OGDH: variants seen among roughly 807,000 people sequenced by gnomAD.
OGDH encodes the protein 2-oxoglutarate dehydrogenase complex component E1.
OGDH carries 38 observed loss-of-function variants against 116.6 expected under a neutral mutation model. The observed-to-expected ratio is 0.33, with a 90% CI of 0.25 to 0.43. The LOEUF is 0.43. OGDH is among the 20% of genes least tolerant of loss of function. The pLI, the probability that OGDH is intolerant of heterozygous loss-of-function variation, is 1.00. For synonymous variants in OGDH, 488 were observed against 533.3 expected, an observed-to-expected ratio of 0.92 and a Z score of 1.17; for missense variants, 825 against 1,357.2, an observed-to-expected ratio of 0.61 and a Z score of 6.16.
intron 2 of OGDH, among the ~76,000 whole-genome samples, chr7:44,640,027 TG>T (rs1785857787): frequency 6.6e-6 from 1 of 152,204 alleles, no homozygotes; most frequent in African/African-American, 2.4e-5. Flanking sequence ...GGAGGCCCGA[TG>T]ATCATGATCG....
At chr7:44,666,654 C>T in intron 4 of OGDH, 82 bp from the exon 5 acceptor site, 1 of 628,348 alleles carries the variant, frequency 1.6e-6, no homozygotes, top group South Asian at 3.4e-5. Context: ...GGAGTTCCTT[C>T]CCCTTTCCAT....
At chr7:44,615,940 A>C (rs1418092888) in intron 1 of OGDH, among the ~76,000 whole-genome samples, 1 of 151,804 alleles carries the variant, frequency 6.6e-6, no homozygotes, top group African/African-American at 2.4e-5. Flanking sequence ...GAGGTGGGAG[A>C]ATCACTTGAG....
intron 19 of OGDH, among the ~76,000 whole-genome samples, chr7:44,700,872 C>G (rs764172184): frequency 6.6e-6 from 1 of 152,104 alleles, no homozygotes; most frequent in South Asian, 2.1e-4. Flanking sequence ...AAAAATTAGC[C>G]GGGCATGACA....
At chr7:44,695,455 G>A (rs1320845785) in intron 12 of OGDH, among the ~76,000 whole-genome samples, 2 of 151,956 alleles carry the variant, frequency 1.3e-5, no homozygotes, top group Admixed American at 6.6e-5. Context: ...GCCTGTAATT[G>A]CAGCACTTTG....
At chr7:44,639,922 T>C (rs1022533216) in intron 2 of OGDH, among the ~76,000 whole-genome samples, 6 of 152,210 alleles carry the variant, frequency 3.9e-5, no homozygotes, top group Non-Finnish European at 8.8e-5. Flanking sequence ...TCTGACTGCC[T>C]CCAGCATGAG....
intron 12 of OGDH, among the ~76,000 whole-genome samples, chr7:44,695,078 G>T (rs779629647): frequency 6.2e-4 from 94 of 152,092 alleles, no homozygotes; most frequent in South Asian, 8.3e-4. Flanking sequence ...ACAGAGCTTT[G>T]TGAACCAGTT....
intron 2 of OGDH, among the ~76,000 whole-genome samples, chr7:44,636,365 A>G (rs1057218015): frequency 6.6e-6 from 1 of 152,226 alleles, no homozygotes; most frequent in Non-Finnish European, 1.5e-5. Flanking sequence ...AAGACTCCCA[A>G]CTGCTGACTC....
chr7:44,706,045 T>C (rs976450687), intron 20 of OGDH, among the ~76,000 whole-genome samples: 1 of 151,964 alleles, frequency 6.6e-6, no homozygotes, highest in Non-Finnish European at 1.5e-5. Context: ...CAGGCTAGAG[T>C]GATTCTCCCA....
At chr7:44,626,842 G>A (rs1785226582) in intron 2 of OGDH, among the ~76,000 whole-genome samples, 2 of 152,150 alleles carry the variant, frequency 1.3e-5, no homozygotes, top group Admixed American at 6.5e-5. Flanking sequence ...GAGGGGACAG[G>A]ATGGTTAAAA....
chr7:44,660,968 C>T (rs1364465469), intron 4 of OGDH, among the ~76,000 whole-genome samples: 1 of 140,452 alleles, frequency 7.1e-6, no homozygotes, highest in East Asian at 2.3e-4. Context: ...CTGTTAGATC[C>T]TGTTAGTTAA....
At chr7:44,634,421 TTAGTC>T (rs1240575183) in intron 2 of OGDH, among the ~76,000 whole-genome samples, 3 of 152,180 alleles carry the variant, frequency 2.0e-5, no homozygotes, top group South Asian at 2.1e-4. Flanking sequence ...GCAGCCACCT[TTAGTC>T]TAGTGCAGAA....
At chr7:44,646,567 GTTTC>G (rs571641214) in intron 3 of OGDH, among the ~76,000 whole-genome samples, 36 of 152,254 alleles carry the variant, frequency 2.4e-4, no homozygotes, top group Non-Finnish European at 3.7e-4. Context: ...GCCCAGTGGT[GTTTC>G]TTTATCACTG....
chr7:44,693,175 G>T (rs570312527), intron 10 of OGDH, among the ~76,000 whole-genome samples: 1 of 152,272 alleles, frequency 6.6e-6, no homozygotes, highest in Admixed American at 6.5e-5. Flanking sequence ...AGGCATGGTG[G>T]TGCGTGCCTG....
chr7:44,707,109 T>C lies in OGDH; in HGVS notation c.2633-116T>C. 1 of 1,109,458 alleles carries C rather than the reference T, an allele frequency of 9.0e-7. No homozygotes were observed. Among genetic ancestry groups the C allele is most frequent in the Non-Finnish European group, 1.3e-6 (1 of 773,064 alleles). The allele number at this position is 1,109,458 out of a possible 1,614,324, so 68.7% of individuals were successfully genotyped here. A position where few individuals can be genotyped will look rare whatever the true frequency, so the allele number is the denominator to read the frequency against. On this transcript the variant is annotated intron_variant, in intron 20 of 22. Coordinates refer to ENST00000222673, the MANE Select transcript of OGDH (RefSeq NM_002541.4). The surrounding 1 kb of genome is among the most constrained non-coding windows in gnomAD (Gnocchi z 5.2). Reference sequence around the variant, plus strand: ...CAGAGGCTGGTGAAGGGGAAGCATCTCTAACCCTTGAAAGCTGCGTCTCCT... The same window carrying C: ...CAGAGGCTGGTGAAGGGGAAGCATCCCTAACCCTTGAAAGCTGCGTCTCCT...
At chr7:44,639,655 C>A (rs1021211035) in intron 2 of OGDH, among the ~76,000 whole-genome samples, 7 of 152,138 alleles carry the variant, frequency 4.6e-5, no homozygotes, top group Non-Finnish European at 8.8e-5. Context: ...TTTTAGTATA[C>A]CTCCAGGTCT....
chr7:44,631,703 C>T (rs1457586424), intron 2 of OGDH, among the ~76,000 whole-genome samples: 1 of 152,202 alleles, frequency 6.6e-6, no homozygotes, highest in East Asian at 1.9e-4. Flanking sequence ...GTGTTCGAAG[C>T]TTGTGCTGAG....
intron 4 of OGDH, among the ~76,000 whole-genome samples, chr7:44,652,474 C>T (rs1462664025): frequency 1.3e-5 from 2 of 152,158 alleles, no homozygotes; most frequent in African/African-American, 4.8e-5. Flanking sequence ...TCCAGATGCC[C>T]ATCTTAATTT....
At chr7:44,665,415 A>G (rs1341793910) in intron 4 of OGDH, among the ~76,000 whole-genome samples, 1 of 152,224 alleles carries the variant, frequency 6.6e-6, no homozygotes, top group East Asian at 1.9e-4. Context: ...CTCCGAAAGC[A>G]TTAGATAAAT....
At chr7:44,610,511 T>G (rs950013426) in intron 1 of OGDH, among the ~76,000 whole-genome samples, 3 of 151,706 alleles carry the variant, frequency 2.0e-5, no homozygotes, top group Non-Finnish European at 4.4e-5. Flanking sequence ...ACCGTGTTGG[T>G]CAGGCTGGTC....
Sources: gnomAD v4.1 joint callset for allele counts (sites outside exome capture counted in the v4.1 genomes callset) on GRCh38, gnomAD v4.1.1 for gene constraint, Gnocchi (gnomAD v3.1) non-coding constraint, MANE v1.5 for transcripts, NCBI Gene and HGNC (gene_info 2026-07-23, HGNC 2026-07-21) for gene names.